PTPRT: variants seen among roughly 807,000 people sequenced by gnomAD.
PTPRT encodes receptor-type tyrosine-protein phosphatase T.
PTPRT carries 56 observed loss-of-function variants against 176.8 expected under a neutral mutation model. That is an observed-to-expected ratio of 0.32 (90% CI 0.26 to 0.40). The LOEUF (loss-of-function observed/expected upper bound fraction) is 0.40, where lower values mean the gene tolerates loss of function less well. Ranked by LOEUF, PTPRT falls within the 10% of genes least tolerant of loss-of-function variation. The pLI is 1.00. For synonymous variants in PTPRT, 783 were observed against 739.0 expected (o/e 1.06, Z -0.96); for missense variants, 1,540 against 1,908.2 (o/e 0.81, Z 3.60).
chr20:42,464,780 T>C (rs186118810), intron 8 of PTPRT, among the ~76,000 whole-genome samples: 8 of 152,266 alleles, frequency 5.3e-5, no homozygotes, highest in Admixed American at 5.2e-4. Flanking sequence ...TTTTCTGCTT[T>C]TTCTCTCACT....
At chr20:42,809,700 T>C (rs1167177934) in intron 2 of PTPRT, among the ~76,000 whole-genome samples, 2 of 152,180 alleles carry the variant, frequency 1.3e-5, no homozygotes, top group South Asian at 2.1e-4. Context: ...TCTCTGCCTC[T>C]GTTTTCACAT....
At chr20:42,975,230 C>A (rs1181207736) in intron 1 of PTPRT, among the ~76,000 whole-genome samples, 1 of 152,022 alleles carries the variant, frequency 6.6e-6, no homozygotes, top group African/African-American at 2.4e-5. Flanking sequence ...TGCAGCCACT[C>A]AAAGCTATTT....
intron 16 of PTPRT, 138 bp from the exon 17 acceptor site, chr20:42,161,680 T>C: frequency 1.3e-6 from 1 of 776,760 alleles, no homozygotes; most frequent in South Asian, 1.9e-5. Context: ...TGCAAAAGGA[T>C]TGGAGATACA....
chr20:42,051,168 T>C, the PTPRT span, among the ~76,000 whole-genome samples: 3 of 152,238 alleles, frequency 2.0e-5, no homozygotes, highest in African/African-American at 7.2e-5. Context: ...TCACTCACTT[T>C]GGCCAGAGGA....
chr20:43,080,719 G>A (rs1046032510), intron 1 of PTPRT, among the ~76,000 whole-genome samples: 4 of 152,226 alleles, frequency 2.6e-5, no homozygotes, highest in Non-Finnish European at 5.9e-5. Flanking sequence ...CAGGGCATGA[G>A]CAGAAGTGAC....
chr20:42,407,585 A>G (rs972727747), intron 9 of PTPRT, among the ~76,000 whole-genome samples: 2 of 152,126 alleles, frequency 1.3e-5, no homozygotes, highest in African/African-American at 2.4e-5. Context: ...TTCTGAAACC[A>G]TTTCCTTTAA....
At chr20:42,238,119 T>C (rs945196805) in intron 14 of PTPRT, among the ~76,000 whole-genome samples, 1 of 152,120 alleles carries the variant, frequency 6.6e-6, no homozygotes, top group Non-Finnish European at 1.5e-5. Context: ...GTTTTATAAT[T>C]AAGAGAAAAG....
chr20:43,015,221 C>T (rs1247108940), intron 1 of PTPRT, among the ~76,000 whole-genome samples: 4 of 152,182 alleles, frequency 2.6e-5, no homozygotes, highest in Non-Finnish European at 5.9e-5. Flanking sequence ...ATCAGATAGA[C>T]CAGAGTTCAA....
At chr20:42,051,425 G>T in the PTPRT span, among the ~76,000 whole-genome samples, 34 of 152,330 alleles carry the variant, frequency 2.2e-4, no homozygotes, top group African/African-American at 6.7e-4. Flanking sequence ...GGAGGGAAAA[G>T]AATTGTGAGA....
intron 1 of PTPRT, among the ~76,000 whole-genome samples, chr20:43,140,363 C>A (rs2013963301): frequency 6.6e-6 from 1 of 151,476 alleles, no homozygotes. Context: ...TGCACATGAA[C>A]ACACACACAC....
chr20:42,391,339 T>C (rs1397170033), intron 9 of PTPRT, among the ~76,000 whole-genome samples: 1 of 152,122 alleles, frequency 6.6e-6, no homozygotes, highest in Non-Finnish European at 1.5e-5. Context: ...AGTGTAGAAG[T>C]CTGAAAAGCT....
chr20:43,077,276 A>G (rs540267362), intron 1 of PTPRT, among the ~76,000 whole-genome samples: 4 of 152,304 alleles, frequency 2.6e-5, no homozygotes, highest in African/African-American at 9.6e-5. Context: ...CTTCTCAACA[A>G]GGCAGGTCTT....
chr20:42,808,139 C>T (rs2077640303), intron 2 of PTPRT, among the ~76,000 whole-genome samples: 2 of 152,324 alleles, frequency 1.3e-5, no homozygotes, highest in Admixed American at 1.3e-4. Flanking sequence ...TTTAGCTCCC[C>T]GTGGAGTTGG....
At chr20:42,270,378 C>CCAGGGG in intron 13 of PTPRT, 1 of 1,540,866 alleles carries the variant, frequency 6.5e-7, no homozygotes, top group Non-Finnish European at 8.8e-7. Context: ...TCCCACCCGC[C>CCAGGGG]CAGGGCTCTG....
chr20:42,189,901 T>TTGTC (rs1990929600), intron 16 of PTPRT, among the ~76,000 whole-genome samples: 1 of 152,214 alleles, frequency 6.6e-6, no homozygotes, highest in African/African-American at 2.4e-5. Context: ...TCTCTAAAAC[T>TTGTC]TGTCTTAATT....
chr20:42,570,108 G>A (rs770512282), intron 7 of PTPRT, among the ~76,000 whole-genome samples: 55 of 152,156 alleles, frequency 3.6e-4, no homozygotes, highest in Admixed American at 2.8e-3. Flanking sequence ...AGGACATCCA[G>A]TCCTTATACC....
chr20:43,042,456 G>T (rs1986646504), intron 1 of PTPRT, among the ~76,000 whole-genome samples: 1 of 152,090 alleles, frequency 6.6e-6, no homozygotes, highest in Admixed American at 6.6e-5. Flanking sequence ...GGGCTCCTGG[G>T]GATAGCAGAT....
chr20:43,147,421 C>T (rs370460419), intron 1 of PTPRT, among the ~76,000 whole-genome samples: 35 of 152,162 alleles, frequency 2.3e-4, no homozygotes, highest in East Asian at 1.9e-4. Flanking sequence ...CACATCGCTT[C>T]GTCAGAAATC....
chr20:42,989,567 C>T (rs1439180321), intron 1 of PTPRT, among the ~76,000 whole-genome samples: 2 of 152,126 alleles, frequency 1.3e-5, no homozygotes, highest in East Asian at 1.9e-4. Context: ...ACCCTAGAAA[C>T]GAGTATTGGT....
Sources: allele counts gnomAD v4.1 joint callset (sites outside exome capture counted in the v4.1 genomes callset), GRCh38; gene constraint gnomAD v4.1.1; transcripts MANE v1.5; gene names NCBI Gene and HGNC (gene_info 2026-07-23, HGNC 2026-07-21).